Variants in ZMYM1 observed in about 807,000 individuals in gnomAD.
ZMYM1 encodes the protein zinc finger MYM-type containing 1.
A neutral mutation model predicts 60.0 loss-of-function variants in ZMYM1; 39 were observed. The observed-to-expected ratio is 0.65, with a 90% CI of 0.50 to 0.85. The LOEUF is 0.85. Among genes scored for constraint, ZMYM1 ranks in the 40% least tolerant of loss-of-function variants. ZMYM1 has a pLI of 0.00. For synonymous variants in ZMYM1, 413 were observed against 454.0 expected (o/e 0.91, Z 1.15); for missense variants, 1,171 against 1,309.5 (o/e 0.89, Z 1.63).
intron 1 of ZMYM1, among the ~76,000 whole-genome samples, chr1:35,079,861 C>G (rs1375797033): frequency 6.6e-6 from 1 of 152,204 alleles, no homozygotes; most frequent in Non-Finnish European, 1.5e-5. Context: ...CCTGTAATCC[C>G]GACACTTTGG....
intron 1 of ZMYM1, among the ~76,000 whole-genome samples, chr1:35,064,778 C>A (rs1641941175): frequency 6.6e-6 from 1 of 150,652 alleles, no homozygotes; most frequent in Non-Finnish European, 1.5e-5. Flanking sequence ...GCTCCACCTC[C>A]CGGGTTCACG....
chr1:35,104,828 G>C, intron 6 of ZMYM1, 59 bp downstream of exon 6: 1 of 1,417,126 alleles, frequency 7.1e-7, no homozygotes, highest in Non-Finnish European at 9.8e-7. Flanking sequence ...TTTCACTCTA[G>C]GAAAATGTGG....
chr1:35,065,891 A>G (rs1017127657), intron 1 of ZMYM1, among the ~76,000 whole-genome samples: 3 of 152,160 alleles, frequency 2.0e-5, no homozygotes, highest in Non-Finnish European at 2.9e-5. Flanking sequence ...CATTAAAAGG[A>G]CAAAAATACC....
At chr1:35,088,903 C>T (rs757428141) in intron 1 of ZMYM1, among the ~76,000 whole-genome samples, 16 of 151,014 alleles carry the variant, frequency 1.1e-4, no homozygotes, top group Non-Finnish European at 2.1e-4. Flanking sequence ...CCTCTGCCTC[C>T]CAGATTCAAG....
intron 4 of ZMYM1, among the ~76,000 whole-genome samples, chr1:35,101,496 A>G (rs999767820): frequency 2.0e-5 from 3 of 149,542 alleles, no homozygotes; most frequent in Non-Finnish European, 3.0e-5. Flanking sequence ...AAGCATTTTC[A>G]GACTTCCATG....
At chr1:35,064,292 C>CAAAAAAAAA (rs371084383) in intron 1 of ZMYM1, among the ~76,000 whole-genome samples, 136 of 54,028 alleles carry the variant, frequency 2.5e-3, no homozygotes, top group Non-Finnish European at 3.8e-3. Context: ...GATCCTGTCT[C>CAAAAAAAAA]AAAAAAAAAA....
At position 35,097,543 on chromosome 1, in the gene ZMYM1, G is replaced by A. The variant is rs530376253; in HGVS notation, c.396G>A (p.Lys132=). Residue 132 remains lysine (K), a synonymous_variant, in exon 4 of 10, where the codon AAG becomes AAA. Coordinates refer to ENST00000359858, the MANE Select transcript of ZMYM1 (RefSeq NM_024772.5). The part of the protein sequence containing the change: ...ISSASSPVPS[K]RTCSNCSKDI... ...CTGCCAGTTCACCAGTTCCTTCTAA[G>A]AGAACTTGTTCAAACTGCTCAAAGT... 3 of 1,614,066 alleles carry A rather than the reference G, an allele frequency of 1.9e-6. No individual in the cohort carries two copies. Among genetic ancestry groups the A allele is most frequent in the Non-Finnish European group, 2.5e-6 (3 of 1,180,034 alleles).
At chr1:35,088,803 T>C (rs1642823000) in intron 1 of ZMYM1, among the ~76,000 whole-genome samples, 1 of 89,110 alleles carries the variant, frequency 1.1e-5, no homozygotes, top group Non-Finnish European at 2.7e-5. Flanking sequence ...CAGGATGCTT[T>C]CCTTTTTTTT....
chr1:35,094,586 G>T (rs1188095629), intron 2 of ZMYM1, among the ~76,000 whole-genome samples: 1 of 152,174 alleles, frequency 6.6e-6, no homozygotes, highest in Non-Finnish European at 1.5e-5. Flanking sequence ...CAGGCACAGT[G>T]GCTCACACCT....
chr1:35,116,884 C>T (rs1290039555), downstream of ZMYM1, among the ~76,000 whole-genome samples: 3 of 117,362 alleles, frequency 2.6e-5, no homozygotes, highest in African/African-American at 9.5e-5. Context: ...CGCTCTGTCG[C>T]CCAGGCGGGA....
upstream of ZMYM1, among the ~76,000 whole-genome samples, chr1:35,076,642 A>G (rs1569853123): frequency 6.6e-6 from 1 of 150,734 alleles, no homozygotes; most frequent in East Asian, 2.0e-4. Context: ...AAAGGAAAAC[A>G]AATGAATCAG....
chr1:35,083,156 TTTC>T (rs1408299290), intron 1 of ZMYM1, among the ~76,000 whole-genome samples: 1 of 151,732 alleles, frequency 6.6e-6, no homozygotes, highest in Admixed American at 6.6e-5. Context: ...TATTGTTTCT[TTTC>T]TTTTTTTTTT....
upstream of ZMYM1, among the ~76,000 whole-genome samples, chr1:35,074,786 A>G (rs1048889776): frequency 6.6e-6 from 1 of 151,930 alleles, no homozygotes; most frequent in African/African-American, 2.4e-5. Flanking sequence ...TATTGTATGC[A>G]GTCTATCTCT....
At chr1:35,071,047 G>A (rs1054188646) in intron 1 of ZMYM1, among the ~76,000 whole-genome samples, 3 of 151,838 alleles carry the variant, frequency 2.0e-5, no homozygotes, top group African/African-American at 7.3e-5. Context: ...ACCACACCCA[G>A]CAATTTTTTT....
chr1:35,078,537 A>ATTTTTTTTTTTT (rs751468260), upstream of ZMYM1, among the ~76,000 whole-genome samples: 69 of 82,216 alleles, frequency 8.4e-4, 4 homozygotes, highest in East Asian at 5.4e-3. Flanking sequence ...GGTTATTTTA[A>ATTTTTTTTTTTT]TTTTTTTTTT....
At chr1:35,078,760 G>C (rs1001992124), upstream of ZMYM1, among the ~76,000 whole-genome samples, 2 of 151,768 alleles carry the variant, frequency 1.3e-5, no homozygotes, top group Non-Finnish European at 1.5e-5. Context: ...TGTTGGTCAG[G>C]ATGGTCTTGA....
intron 1 of ZMYM1, among the ~76,000 whole-genome samples, chr1:35,068,987 T>C (rs1642024544): frequency 6.6e-6 from 1 of 151,940 alleles, no homozygotes; most frequent in Admixed American, 6.6e-5. Flanking sequence ...CAGGTGCGCC[T>C]GGCTAATTTT....
At chr1:35,069,718 A>G (rs2148477794) in intron 1 of ZMYM1, among the ~76,000 whole-genome samples, 1 of 152,260 alleles carries the variant, frequency 6.6e-6, no homozygotes, top group East Asian at 1.9e-4. Flanking sequence ...TAATGGTTTC[A>G]GGTTTTACAT....
chr1:35,091,215 T>TATTC (rs955439650), intron 1 of ZMYM1, among the ~76,000 whole-genome samples: 5 of 140,952 alleles, frequency 3.5e-5, no homozygotes, highest in African/African-American at 6.4e-5. Context: ...CAAGTGGAGA[T>TATTC]ATTTATTTAT....
Sources: gnomAD v4.1 joint callset for allele counts (sites outside exome capture counted in the v4.1 genomes callset) on GRCh38, gnomAD v4.1.1 for gene constraint, MANE v1.5 for transcripts, NCBI Gene and HGNC (gene_info 2026-07-23, HGNC 2026-07-21) for gene names.